Variants in HIVEP1 observed in about 807,000 individuals in gnomAD.
The protein encoded by HIVEP1 is zinc finger protein 40.
Under a neutral mutation model 180.0 loss-of-function variants are expected in HIVEP1, and 36 were observed. That is an observed-to-expected ratio of 0.20 (90% CI 0.15 to 0.26). The LOEUF (loss-of-function observed/expected upper bound fraction) is 0.26, where lower values mean the gene tolerates loss of function less well. Among genes scored for constraint, HIVEP1 ranks in the 10% least tolerant of loss-of-function variants. The pLI is 1.00. For missense variants in HIVEP1, 3,143 were observed against 3,268.7 expected (o/e 0.96, Z 0.94); for synonymous variants, 1,239 against 1,239.0 (o/e 1.00, Z 0.00).
At chr6:12,174,394 G>T in the HIVEP1 span, among the ~76,000 whole-genome samples, 4 of 151,998 alleles carry the variant, frequency 2.6e-5, no homozygotes, top group African/African-American at 9.7e-5. Context: ...CTTGATGAAA[G>T]CATTAAGCTC....
At chr6:12,204,639 A>AGG in the HIVEP1 span, among the ~76,000 whole-genome samples, 1 of 152,210 alleles carries the variant, frequency 6.6e-6, no homozygotes, top group African/African-American at 2.4e-5. Flanking sequence ...CAGGCCTAGT[A>AGG]ATAGTCACCT....
At chr6:12,059,988 TG>T (rs1467428993) in intron 2 of HIVEP1, among the ~76,000 whole-genome samples, 5 of 152,232 alleles carry the variant, frequency 3.3e-5, no homozygotes, top group Non-Finnish European at 5.9e-5. Flanking sequence ...TCTCTTGTAT[TG>T]TTTTTCATGT....
At chr6:12,017,520 G>C (rs557812888) in intron 2 of HIVEP1, among the ~76,000 whole-genome samples, 1 of 152,060 alleles carries the variant, frequency 6.6e-6, no homozygotes, top group South Asian at 2.1e-4. Context: ...AGTCTGCAAG[G>C]GGACCCAAGC....
chr6:12,105,755 T>G (rs1774385403), intron 3 of HIVEP1, among the ~76,000 whole-genome samples: 1 of 152,138 alleles, frequency 6.6e-6, no homozygotes, highest in Non-Finnish European at 1.5e-5. Context: ...TTCAAATTGC[T>G]TTGCTTGCTT....
chr6:12,196,086 C>T, the HIVEP1 span, among the ~76,000 whole-genome samples: 3 of 152,216 alleles, frequency 2.0e-5, no homozygotes, highest in East Asian at 5.8e-4. Flanking sequence ...CTATTGATGT[C>T]AAACTAAAAG....
At chr6:12,011,506 G>A (rs1767300511), upstream of HIVEP1, among the ~76,000 whole-genome samples, 2 of 123,512 alleles carry the variant, frequency 1.6e-5, no homozygotes, top group African/African-American at 6.1e-5. Flanking sequence ...CTCCGCCCCC[G>A]CCGTGTGCTG....
chr6:12,202,303 AT>A, the HIVEP1 span, among the ~76,000 whole-genome samples: 6 of 150,792 alleles, frequency 4.0e-5, no homozygotes, highest in African/African-American at 7.3e-5. Context: ...CTATAGGCTA[AT>A]TTTTTTTTTC....
chr6:12,054,659 C>T (rs1008781425), intron 2 of HIVEP1, among the ~76,000 whole-genome samples: 2 of 152,128 alleles, frequency 1.3e-5, no homozygotes, highest in Non-Finnish European at 2.9e-5. Flanking sequence ...CATGACTTCA[C>T]CATAATGAAC....
intron 3 of HIVEP1, among the ~76,000 whole-genome samples, chr6:12,103,276 T>C (rs1774218123): frequency 6.6e-6 from 1 of 152,100 alleles, no homozygotes; most frequent in Non-Finnish European, 1.5e-5. Context: ...CCAAGCTGTC[T>C]ACATGCATTA....
At chr6:12,211,291 T>G in the HIVEP1 span, among the ~76,000 whole-genome samples, 2 of 93,464 alleles carry the variant, frequency 2.1e-5, no homozygotes, top group African/African-American at 1.1e-4. Context: ...TCCCAGCTAC[T>G]CCGGAGGCTG....
intron 3 of HIVEP1, 148 bp downstream of exon 3, chr6:12,089,385 T>C (rs766165658): frequency 2.2e-5 from 11 of 511,076 alleles, no homozygotes; most frequent in Non-Finnish European, 3.9e-5. Context: ...TAAAATGTTG[T>C]GGACTTTGCT....
At chr6:12,108,192 G>A (rs1229576597) in intron 3 of HIVEP1, among the ~76,000 whole-genome samples, 1 of 152,172 alleles carries the variant, frequency 6.6e-6, no homozygotes. Flanking sequence ...CCCTGAGCTA[G>A]ACACAGGGTG....
In HIVEP1 at chr6:12,164,350, T is replaced by C. The variant is rs1245075597; in HGVS notation, c.8046T>C (p.Ser2682=). ...AGCCCTCAGGCCAGCAGACTCTCTC[T>C]CCAGACAGACAGGTTCCCAGGCCCA... ...FTKPSGQQTL[S]PDRQVPRPTA... The change falls in exon 9 of 9, where the codon TCT becomes TCC. Residue 2682 remains serine (S), a synonymous_variant. Transcript: ENST00000379388. 3 of 1,613,884 alleles carry C rather than the reference T, an allele frequency of 1.9e-6. No homozygotes were observed. Among genetic ancestry groups the C allele is most frequent in the African/African-American group, 1.3e-5 (1 of 74,912 alleles).
At chr6:12,169,891 T>C (rs1760851602), downstream of HIVEP1, among the ~76,000 whole-genome samples, 2 of 151,840 alleles carry the variant, frequency 1.3e-5, no homozygotes, top group Admixed American at 6.6e-5. Context: ...GAGGCCAAGG[T>C]GGGCAGATCA....
At chr6:12,037,455 A>C (rs1009280117) in intron 2 of HIVEP1, among the ~76,000 whole-genome samples, 8 of 152,182 alleles carry the variant, frequency 5.3e-5, no homozygotes, top group Non-Finnish European at 1.2e-4. Flanking sequence ...TTGGTGGCAA[A>C]AATTAGATTT....
chr6:12,129,221 G>A (rs1307703280), intron 4 of HIVEP1, among the ~76,000 whole-genome samples: 2 of 152,138 alleles, frequency 1.3e-5, no homozygotes, highest in African/African-American at 4.8e-5. Flanking sequence ...AAAGATTTAT[G>A]ATTTAAAATA....
At chr6:12,013,182 G>A (rs981054181) in intron 1 of HIVEP1, among the ~76,000 whole-genome samples, 1 of 144,436 alleles carries the variant, frequency 6.9e-6, no homozygotes, top group Admixed American at 7.0e-5. Context: ...TCCACTCCAG[G>A]CTCCTTCCTG....
chr6:12,194,276 C>T, the HIVEP1 span, among the ~76,000 whole-genome samples: 3 of 151,954 alleles, frequency 2.0e-5, no homozygotes. Flanking sequence ...TTGGCCAGCA[C>T]AGGTCTAGGG....
upstream of HIVEP1, among the ~76,000 whole-genome samples, chr6:12,010,411 CA>C (rs986805228): frequency 6.6e-6 from 1 of 152,122 alleles, no homozygotes; most frequent in African/African-American, 2.4e-5. Context: ...TTTCTTAGCT[CA>C]AATGAGCCAG....
Sources: gnomAD v4.1 joint callset for allele counts (sites outside exome capture counted in the v4.1 genomes callset) on GRCh38, gnomAD v4.1.1 for gene constraint, MANE v1.5 for transcripts, NCBI Gene and HGNC (gene_info 2026-07-23, HGNC 2026-07-21) for gene names.